REV3L: variants seen among roughly 807,000 people sequenced by gnomAD.
The protein encoded by REV3L is REV3 like, DNA directed polymerase zeta catalytic subunit.
In REV3L, 69 loss-of-function variants were observed where a neutral mutation model predicts 299.4. The ratio of observed to expected loss-of-function variants is 0.23; its 90% confidence interval spans 0.19 to 0.28. REV3L has a LOEUF of 0.28. Among genes scored for constraint, REV3L ranks in the 10% least tolerant of loss-of-function variants. REV3L has a pLI of 1.00. For synonymous variants in REV3L, 1,238 were observed against 1,271.4 expected (o/e 0.97, Z 0.56); for missense variants, 3,128 against 3,693.8 (o/e 0.85, Z 3.97).
At chr6:111,456,269 G>A (rs1266521047) in intron 1 of REV3L, among the ~76,000 whole-genome samples, 2 of 152,122 alleles carry the variant, frequency 1.3e-5, no homozygotes, top group African/African-American at 4.8e-5. Context: ...ACTGCAAGAG[G>A]AGTGCCAGAA....
intron 1 of REV3L, among the ~76,000 whole-genome samples, chr6:111,433,596 T>C (rs980873511): frequency 6.6e-6 from 1 of 152,190 alleles, no homozygotes; most frequent in African/African-American, 2.4e-5. Context: ...CAGGACCTAA[T>C]GGCTTCATTC....
chr6:111,389,025 T>A lies in REV3L; in HGVS notation c.862+81A>T, dbSNP rs547924883. 7.8e-6 allele frequency: 8 copies of A among 1,030,298 alleles called. No individual in the cohort carries two copies. In the Admixed American group the frequency reaches 1.7e-4, roughly 21 times the overall value. The allele number at this position is 1,030,298 out of a possible 1,614,324, so 63.8% of individuals were successfully genotyped here. On this transcript the variant is annotated intron_variant, in intron 7 of 31. Coordinates refer to ENST00000368802, the MANE Select transcript of REV3L (RefSeq NM_001372078.1). ...GTCATTTGAAAAGTAAAATCTAATG[T>A]CAAAGGAACAACTCAATGACAAACT... is the stretch of plus-strand genomic sequence containing the variant.
At chr6:111,399,701 T>A (rs966765408) in intron 4 of REV3L, among the ~76,000 whole-genome samples, 1 of 151,898 alleles carries the variant, frequency 6.6e-6, no homozygotes, top group Non-Finnish European at 1.5e-5. Context: ...GGCAAGAATA[T>A]CACACAGGCG....
rs375866496 is a variant in REV3L at position 111,349,249 on chromosome 6, G to A, written c.7388C>T (p.Thr2463Ile). The A allele has an allele frequency of 6.3e-7, 1 of 1,594,624 alleles. No homozygotes were observed. Among genetic ancestry groups the A allele is most frequent in the African/African-American group, 1.3e-5 (1 of 74,650 alleles). Residue 2463 changes from threonine to isoleucine, a missense_variant, in exon 20 of 32, where the codon ACA (threonine) becomes ATA (isoleucine). By Grantham distance (89) the Thr-to-Ile change is moderately conservative. Transcript: ENST00000368802. ...TCTCATGATTCTCCAAAGATTTAGT[G>A]TAATTCGGCCAACAATATTTATCTC... The part of the protein sequence containing the change: ...MSEINIVGRI[T>I]LNLWRIMRNE...
intron 1 of REV3L, among the ~76,000 whole-genome samples, chr6:111,480,599 T>C (rs1793508538): frequency 1.3e-5 from 2 of 152,156 alleles, no homozygotes; most frequent in South Asian, 4.1e-4. Context: ...TGTATGCCAA[T>C]GACTTCAAAT....
intron 1 of REV3L, among the ~76,000 whole-genome samples, chr6:111,480,175 A>G (rs2128346649): frequency 6.6e-6 from 1 of 152,368 alleles, no homozygotes; most frequent in South Asian, 2.1e-4. Context: ...AGGACCTCCC[A>G]AAGTAATTCT....
chr6:111,373,166 T>C lies in REV3L; in HGVS notation c.5189A>G (p.Lys1730Arg), dbSNP rs370157981. The C allele has an allele frequency of 1.2e-5, 19 of 1,614,054 alleles. No individual in the cohort carries two copies. The highest frequency in any genetic ancestry group is 1.5e-5 in the Non-Finnish European group (18 of 1,180,012). Residue 1730 changes from lysine to arginine, a missense_variant, in exon 13 of 32, where the codon AAG becomes AGG. Physicochemically the swap from Lys to Arg is conservative, Grantham distance 26. Transcript: ENST00000368802. ...ATTCTCATTGCTATCTATGGTTGAC[T>C]TCTCAAAAATTTCAGGACTTAAAGT... ...SGTLSPEIFE[K>R]STIDSNENRR...
chr6:111,478,742 T>C (rs1447257687), intron 1 of REV3L, among the ~76,000 whole-genome samples: 1 of 152,174 alleles, frequency 6.6e-6, no homozygotes, highest in Admixed American at 6.5e-5. Flanking sequence ...TATATAGCAT[T>C]TCAGAATTAT....
chr6:111,332,126 C>T (rs938032024), intron 23 of REV3L, among the ~76,000 whole-genome samples: 9 of 152,126 alleles, frequency 5.9e-5, no homozygotes, highest in Admixed American at 5.2e-4. Context: ...GGCTGGAGTG[C>T]AGTGGCGCGA....
rs916976251 is a variant in REV3L, at chr6:111,431,699, T to C, written c.140-15227A>G. 2.2e-5 allele frequency: 21 copies of C among 959,830 alleles called. No homozygotes were observed. The Admixed American group carries it at 2.7e-4, about 12-fold the overall frequency. 59.5% of individuals were successfully genotyped at this position (959,830 alleles called of 1,614,324 possible). ...GGGATTTCCATTCCTTCCCCCGTCA[T>C]GGAAAACAACTCTGTGGATTTGACA... is the stretch of plus-strand genomic sequence containing the variant. On this transcript the variant is annotated intron_variant, in intron 1 of 31. Transcript: ENST00000368802.
chr6:111,352,806 G>A (rs907015927), intron 18 of REV3L, among the ~76,000 whole-genome samples: 6 of 152,120 alleles, frequency 3.9e-5, no homozygotes, highest in East Asian at 1.9e-4. Flanking sequence ...AAACTGAACC[G>A]ACCACCTGCG....
At position 111,376,259 on chromosome 6, in the gene REV3L, T is replaced by C. The variant is rs375445223; in HGVS notation, c.2096A>G (p.Glu699Gly). 1 of 1,613,834 alleles carries C rather than the reference T, an allele frequency of 6.2e-7. No individual in the cohort carries two copies. Among genetic ancestry groups the C allele is most frequent in the African/African-American group, 1.3e-5 (1 of 74,934 alleles). Reference protein sequence around the residue: ...PFIHMHRHPNENTLGKNSFNF... With the variant: ...PFIHMHRHPNGNTLGKNSFNF... ...GAAAGAATTTTTGCCCAATGTATTC[T>C]CGTTAGGGTGACGGTGCATATGTAT... Residue 699 changes from glutamate to glycine, a missense_variant, in exon 13 of 32, where the codon GAG (glutamate) becomes GGG (glycine). By Grantham distance (98) the Glu-to-Gly change is moderately conservative. This residue lies in a region of REV3L where 2,409 missense variants were observed against 2,611.8 expected (regional missense o/e 0.92). Transcript: ENST00000368802.
At chr6:111,408,413 C>T (rs563260669) in intron 3 of REV3L, among the ~76,000 whole-genome samples, 178 of 152,174 alleles carry the variant, frequency 1.2e-3, no homozygotes, top group Non-Finnish European at 2.3e-3. Context: ...GACCACCTGG[C>T]CAAGATGGTG....
intron 20 of REV3L, among the ~76,000 whole-genome samples, chr6:111,348,103 A>G (rs760600935): frequency 2.5e-4 from 38 of 151,638 alleles, no homozygotes; most frequent in Non-Finnish European, 4.6e-4. Context: ...TGCCCAACCT[A>G]ATTGTTTTTT....
rs747541411 is a variant in REV3L, at chr6:111,307,354, A to C, written c.9252+7T>G. 1.9e-6 allele frequency: 3 copies of C among 1,613,098 alleles called. No individual in the cohort carries two copies. In the African/African-American group the frequency reaches 4.0e-5, roughly 22 times the overall value. ...TGTGATTCTGGGCCCATGGAACAAA[A>C]CTGTACCTTTACAAGTTGCTCCTGT... is the stretch of plus-strand genomic sequence containing the variant. On this transcript the variant is annotated splice_region_variant and intron_variant, in intron 31 of 31. Coordinates refer to ENST00000368802, the MANE Select transcript of REV3L (RefSeq NM_001372078.1).
At chr6:111,325,100 A>T (rs1375398339) in intron 25 of REV3L, among the ~76,000 whole-genome samples, 2 of 152,182 alleles carry the variant, frequency 1.3e-5, no homozygotes, top group Non-Finnish European at 2.9e-5. Flanking sequence ...TGACCTCGTG[A>T]TCCACCCGCC....
At chr6:111,413,836 A>G (rs1262043457) in intron 2 of REV3L, among the ~76,000 whole-genome samples, 1 of 152,126 alleles carries the variant, frequency 6.6e-6, no homozygotes, top group African/African-American at 2.4e-5. Context: ...ATACAGGAAG[A>G]TAAGTGACTA....
chr6:111,301,009 A>T (rs1771446293), intron 31 of REV3L, among the ~76,000 whole-genome samples: 1 of 152,226 alleles, frequency 6.6e-6, no homozygotes, highest in African/African-American at 2.4e-5. Flanking sequence ...GAATAGGAGA[A>T]ATATCGCTGA....
At chr6:111,402,449 A>G (rs17072677) in intron 4 of REV3L, among the ~76,000 whole-genome samples, 3,727 of 152,308 alleles carry the variant, frequency 0.024, 59 homozygotes, top group Admixed American at 0.065. Flanking sequence ...ATTTTCCAAG[A>G]TTAGTAAATG....
Sources: gnomAD v4.1 joint callset for allele counts (sites outside exome capture counted in the v4.1 genomes callset) on GRCh38, gnomAD v4.1.1 for gene constraint, gnomAD v4.1.1 regional missense constraint, MANE v1.5 for transcripts, NCBI Gene and HGNC (gene_info 2026-07-23, HGNC 2026-07-21) for gene names.